The following SAMD15 variants were observed in gnomAD, a reference collection of about 807,000 sequenced individuals.
SAMD15 encodes the protein sterile alpha motif domain-containing protein 15.
Under a neutral mutation model 50.5 loss-of-function variants are expected in SAMD15, and 37 were observed. That is an observed-to-expected ratio of 0.73 (90% CI 0.56 to 0.96). The LOEUF (loss-of-function observed/expected upper bound fraction) is 0.96, where lower values mean the gene tolerates loss of function less well. Ranked by LOEUF, SAMD15 falls within the 40% of genes least tolerant of loss-of-function variation. The probability of loss-of-function intolerance (pLI) is 0.00; values close to 1 mark genes in which losing one functional copy is unlikely to be tolerated. For missense variants in SAMD15, 789 were observed against 783.8 expected (o/e 1.01, Z -0.08); for synonymous variants, 255 against 282.8 (o/e 0.90, Z 0.99).
rs1893886770 is a variant in SAMD15 at position 77,378,391 on chromosome 14, G to A, written c.973G>A (p.Val325Ile). Residue 325 changes from valine (V) to isoleucine (I), a missense_variant, in exon 1 of 3, where the codon GTT becomes ATT. Coordinates refer to ENST00000216471, the MANE Select transcript of SAMD15 (RefSeq NM_001010860.4). ...GCCAAGAAAGTCTACTGATGAGAAC[G>A]TTCCTGAGCCACTAGAAGAGATCAA... is the stretch of plus-strand genomic sequence containing the variant. Reference protein sequence around the residue: ...HKPRKSTDENVPEPLEEIKLE... With the variant: ...HKPRKSTDENIPEPLEEIKLE... The A allele has an allele frequency of 5.6e-6, 9 of 1,613,830 alleles. No individual in the cohort carries two copies. Among genetic ancestry groups the A allele is most frequent in the Non-Finnish European group, 7.6e-6 (9 of 1,180,004 alleles).
chr14:77,378,101 CAG>C lies in SAMD15; in HGVS notation c.685_686del (p.Asp229SerfsTer21), dbSNP rs1275435540. 6.2e-7 allele frequency: 1 copy of C among 1,613,702 alleles called. No homozygotes were observed. Among genetic ancestry groups the C allele is most frequent in the Admixed American group, 1.7e-5 (1 of 59,996 alleles). On this transcript the variant is annotated frameshift_variant, in exon 1 of 3. Transcript: ENST00000216471. LOFTEE classifies it high-confidence loss of function. ...AAACTAGGAGAATCACTTGAAGAGA[CAG>C]ATCTTCAGCCACCAAAGATGACCAA...
chr14:77,389,318 T>C (rs1032108947), intron 2 of SAMD15, among the ~76,000 whole-genome samples: 5 of 145,682 alleles, frequency 3.4e-5, no homozygotes, highest in Non-Finnish European at 1.5e-5. Context: ...CTTATAACTC[T>C]GACCAGTAGC....
chr14:77,391,180 A>T lies in SAMD15; in HGVS notation c.1961A>T (p.Gln654Leu). The T allele has an allele frequency of 6.2e-7, 1 of 1,614,080 alleles. No individual in the cohort carries two copies. The highest frequency in any genetic ancestry group is 8.5e-7 in the Non-Finnish European group (1 of 1,179,916). ...GAATTTGTCAAAGCAGCAGGATTAC[A>T]GGATTATGCTCCAGAAATAACTGCC... ...LSEFVKAAGL[Q>L]DYAPEITAPE... is the part of the protein sequence containing the mutation. The change falls in exon 3 of 3, where the codon CAG becomes CTG. Residue 654 changes from glutamine (Q) to leucine (L), a missense_variant. By Grantham distance (113) the Gln-to-Leu change is moderately radical. Around this residue, in one of 2 missense-constraint regions of SAMD15, gnomAD observed 19 missense variants for 38.3 expected, o/e 0.50. Transcript: ENST00000216471.
At chr14:77,390,763 G>A (rs899445500) in intron 2 of SAMD15, among the ~76,000 whole-genome samples, 47 of 152,054 alleles carry the variant, frequency 3.1e-4, no homozygotes, top group African/African-American at 9.9e-4. Context: ...GGTGGTGTGC[G>A]CCTGTAATCC....
rs4903576 is a variant in SAMD15, at chr14:77,378,526, A to G, written c.1108A>G (p.Lys370Glu). The G allele has an allele frequency of 0.48, 769,293 of 1,612,976 alleles. 193,738 individuals are homozygous for G. The highest frequency in any genetic ancestry group is 0.86 in the African/African-American group (64,482 of 74,830). ...SPEEIRKSNEKKNPQPPEETG... is the reference protein window; with the variant it reads ...SPEEIRKSNEEKNPQPPEETG... ...AGAAGAGATAAGAAAGTCAAATGAGAAAAAAAATCCACAGCCACCAGAGGA... is the reference window on the plus strand; with the variant it reads ...AGAAGAGATAAGAAAGTCAAATGAGGAAAAAAATCCACAGCCACCAGAGGA... The change falls in exon 1 of 3, where the codon AAA becomes GAA. Residue 370 changes from lysine (K) to glutamate (E), a missense_variant. By Grantham distance (56) the Lys-to-Glu change is moderately conservative. Coordinates refer to ENST00000216471, the MANE Select transcript of SAMD15 (RefSeq NM_001010860.4).
intron 2 of SAMD15, among the ~76,000 whole-genome samples, chr14:77,386,698 T>C (rs978241539): frequency 1.3e-5 from 2 of 152,340 alleles, no homozygotes; most frequent in East Asian, 1.9e-4. Context: ...ACAACAATTA[T>C]GTCTTTGTCT....
chr14:77,386,388 G>A (rs1411903572), intron 2 of SAMD15, among the ~76,000 whole-genome samples: 4 of 152,072 alleles, frequency 2.6e-5, no homozygotes, highest in African/African-American at 4.8e-5. Context: ...CTTTGGGTCC[G>A]GCTTCCTTTC....
intron 1 of SAMD15, 102 bp downstream of exon 1, chr14:77,379,209 T>A: frequency 9.0e-7 from 1 of 1,114,988 alleles, no homozygotes; most frequent in Non-Finnish European, 1.3e-6. Flanking sequence ...GGAAGGAGTA[T>A]CAAAAAGTCC....
At chr14:77,387,407 G>A (rs1481592894) in intron 2 of SAMD15, among the ~76,000 whole-genome samples, 1 of 152,090 alleles carries the variant, frequency 6.6e-6, no homozygotes, top group Non-Finnish European at 1.5e-5. Context: ...CTGCACACCA[G>A]CCTGATTGAC....
intron 2 of SAMD15, 130 bp downstream of exon 2, chr14:77,380,611 A>G: frequency 1.6e-6 from 1 of 616,476 alleles, no homozygotes; most frequent in East Asian, 2.8e-5. Flanking sequence ...CCAGTTCCTC[A>G]GGCTCACGGT....
At chr14:77,381,115 T>C (rs1006242274) in intron 2 of SAMD15, among the ~76,000 whole-genome samples, 1 of 152,176 alleles carries the variant, frequency 6.6e-6, no homozygotes, top group South Asian at 2.1e-4. Context: ...CCAAGAAGTC[T>C]TTTGTAACAT....
chr14:77,380,563 C>A, intron 2 of SAMD15, 82 bp downstream of exon 2: 1 of 852,036 alleles, frequency 1.2e-6, no homozygotes, highest in South Asian at 1.4e-5. Context: ...TTTCCTCCAG[C>A]CTGGCCTCCC....
chr14:77,390,261 G>A (rs1894056802), intron 2 of SAMD15, among the ~76,000 whole-genome samples: 1 of 152,130 alleles, frequency 6.6e-6, no homozygotes, highest in South Asian at 2.1e-4. Flanking sequence ...CTCCCAAAGT[G>A]CTGGGATTAC....
At chr14:77,389,713 A>G (rs1183113954) in intron 2 of SAMD15, among the ~76,000 whole-genome samples, 1 of 151,362 alleles carries the variant, frequency 6.6e-6, no homozygotes, top group Non-Finnish European at 1.5e-5. Context: ...GTTAGCGAGG[A>G]TGGTCTCGAT....
chr14:77,387,428 CCT>C (rs1894017167), intron 2 of SAMD15, among the ~76,000 whole-genome samples: 1 of 151,862 alleles, frequency 6.6e-6, no homozygotes, highest in Admixed American at 6.6e-5. Context: ...AGAGCGAGAC[CCT>C]GTCTCAAAAA....
At position 77,391,659 on chromosome 14, in the gene SAMD15, A is replaced by G. The variant is rs1376634813; in HGVS notation, c.*415A>G. The stretch of plus-strand genomic sequence containing the variant: ...AGGATCAGTTAGAACTGCTGGCTTC[A>G]TTCCTAGTTGTGTCTCTGACTTATG... On this transcript the variant is annotated 3_prime_UTR_variant, in exon 3 of 3. Coordinates refer to ENST00000216471, the MANE Select transcript of SAMD15 (RefSeq NM_001010860.4). Among the ~76,000 whole-genome samples, 1 of 152,122 alleles carries G rather than the reference A, an allele frequency of 6.6e-6. No homozygotes were observed. Among genetic ancestry groups the G allele is most frequent in the African/African-American group, 2.4e-5 (1 of 41,418 alleles).
At chr14:77,386,154 C>A (rs908569383) in intron 2 of SAMD15, among the ~76,000 whole-genome samples, 1 of 152,134 alleles carries the variant, frequency 6.6e-6, no homozygotes, top group Non-Finnish European at 1.5e-5. Context: ...CTGCGCCTGG[C>A]CTCTCTTCCT....
chr14:77,387,186 A>G (rs1037246769), intron 2 of SAMD15, among the ~76,000 whole-genome samples: 2 of 152,158 alleles, frequency 1.3e-5, no homozygotes, highest in African/African-American at 4.8e-5. Context: ...TAATCCCGGC[A>G]CTTTGGGAGG....
Position 77,378,622 on chromosome 14 carries a change from A to G in SAMD15, c.1204A>G (p.Lys402Glu). Residue 402 changes from lysine (K) to glutamate (E), a missense_variant, in exon 1 of 3, where the codon AAA becomes GAA. Transcript: ENST00000216471. ...GAAAACACAAACAAAGCCAACTGAG[A>G]AAATTCTAGAGTTACCAGATGAAAC... ...EEKTQTKPTE[K>E]ILELPDETKP... 6.2e-7 allele frequency: 1 copy of G among 1,613,984 alleles called. No homozygotes were observed. The highest frequency in any genetic ancestry group is 8.5e-7 in the Non-Finnish European group (1 of 1,180,016).
Sources: gnomAD v4.1 joint callset for allele counts (sites outside exome capture counted in the v4.1 genomes callset) on GRCh38, gnomAD v4.1.1 for gene constraint, gnomAD v4.1.1 regional missense constraint, MANE v1.5 for transcripts, NCBI Gene and HGNC (gene_info 2026-07-23, HGNC 2026-07-21) for gene names.